Variants in MAST2 observed in about 807,000 individuals in gnomAD.
MAST2 encodes the protein microtubule-associated serine/threonine-protein kinase 2.
MAST2 carries 70 observed loss-of-function variants against 147.4 expected under a neutral mutation model. The observed-to-expected ratio is 0.47, with a 90% CI of 0.39 to 0.58. MAST2 has a LOEUF of 0.58. MAST2 is among the 20% of genes least tolerant of loss of function. The pLI is 0.00. For missense variants in MAST2, 2,080 were observed against 2,302.3 expected (o/e 0.90, Z 1.98); for synonymous variants, 869 against 896.8 (o/e 0.97, Z 0.55).
intron 1 of MAST2, among the ~76,000 whole-genome samples, chr1:45,813,361 G>C (rs551461229): frequency 1.5e-4 from 22 of 151,414 alleles, no homozygotes; most frequent in Non-Finnish European, 2.5e-4. Flanking sequence ...ACCGAGTCTT[G>C]CTCTGTTGCT....
chr1:45,824,307 G>A (rs1202897979), intron 1 of MAST2, 126 bp from the exon 2 acceptor site: 4 of 550,928 alleles, frequency 7.3e-6, no homozygotes, highest in Non-Finnish European at 1.2e-5. Context: ...TTTAGCTATG[G>A]AGGGGGAAGT....
intron 4 of MAST2, among the ~76,000 whole-genome samples, chr1:45,958,288 G>A (rs1212625013): frequency 6.6e-6 from 1 of 151,858 alleles, no homozygotes; most frequent in East Asian, 1.9e-4. Flanking sequence ...TTCTTTTTCT[G>A]TCATTCTCCC....
Position 46,032,259 on chromosome 1 carries a change from C to T in MAST2, c.3269C>T (p.Pro1090Leu), listed in dbSNP as rs1389419892. The T allele has an allele frequency of 6.2e-7, 1 of 1,614,240 alleles. No homozygotes were observed. Among genetic ancestry groups the T allele is most frequent in the Non-Finnish European group, 8.5e-7 (1 of 1,180,046 alleles). The stretch of plus-strand genomic sequence containing the variant: ...AACCCATCATCCCGGGACTCTTCTC[C>T]AAGCAGGGACTTCTTGCCAGCCCTT... ...SSNPSSRDSS[P>L]SRDFLPALGS... The change falls in exon 25 of 29, where the codon CCA (proline) becomes CTA (leucine). Residue 1090 changes from proline to leucine, a missense_variant. Around this residue, in one of 4 missense-constraint regions of MAST2, gnomAD observed 1,278 missense variants for 1,304.2 expected, o/e 0.98. Transcript: ENST00000361297.
chr1:45,911,706 A>G lies in MAST2; in HGVS notation c.500+29311A>G, dbSNP rs551463876. On this transcript the variant is annotated intron_variant, in intron 4 of 28. Coordinates refer to ENST00000361297, the MANE Select transcript of MAST2 (RefSeq NM_015112.3). ...CTTTAAAAAATAATAATAATTTTAAAAATAATAATAATGGAATAATAGTAC... is the reference window on the plus strand; with the variant it reads ...CTTTAAAAAATAATAATAATTTTAAGAATAATAATAATGGAATAATAGTAC... 9.9e-5 allele frequency among the ~76,000 whole-genome samples: 15 copies of G among 151,572 alleles called. No homozygotes were observed. The South Asian group carries it at 1.7e-3, about 17-fold the overall frequency.
intron 28 of MAST2, 87 bp from the exon 29 acceptor site, chr1:46,034,451 G>A (rs1646814997): frequency 1.4e-6 from 2 of 1,424,024 alleles, no homozygotes; most frequent in Non-Finnish European, 1.9e-6. Context: ...GACATAACAG[G>A]GCTAAGCCCT....
intron 4 of MAST2, among the ~76,000 whole-genome samples, chr1:45,933,146 C>T (rs1048478019): frequency 2.8e-5 from 4 of 144,626 alleles, no homozygotes; most frequent in African/African-American, 1.0e-4. Context: ...TCATTTAAGC[C>T]CAGGAGTTCA....
intron 3 of MAST2, among the ~76,000 whole-genome samples, chr1:45,861,491 G>C (rs192734037): frequency 1.3e-3 from 194 of 151,646 alleles, no homozygotes; most frequent in Middle Eastern, 6.8e-3. Context: ...GGAGAAAATA[G>C]CTATAATGTG....
intron 6 of MAST2, among the ~76,000 whole-genome samples, chr1:45,998,340 C>T (rs140794954): frequency 3.3e-3 from 508 of 152,332 alleles, no homozygotes; most frequent in Middle Eastern, 0.01. Flanking sequence ...AGATTTGGTG[C>T]ATACAGAGCC....
At chr1:45,888,116 A>G (rs887513201) in intron 4 of MAST2, among the ~76,000 whole-genome samples, 6 of 152,156 alleles carry the variant, frequency 3.9e-5, no homozygotes, top group African/African-American at 9.7e-5. Flanking sequence ...ATATCGCTAG[A>G]TCTCATAACT....
chr1:45,810,895 C>A (rs1483486403), intron 1 of MAST2, among the ~76,000 whole-genome samples: 6 of 148,924 alleles, frequency 4.0e-5, no homozygotes, highest in Admixed American at 4.0e-4. Flanking sequence ...CTCTGTGGCC[C>A]AGGCTGGAGT....
At chr1:45,912,119 CTACTGAACTGG>C (rs1651771273) in intron 4 of MAST2, among the ~76,000 whole-genome samples, 1 of 151,794 alleles carries the variant, frequency 6.6e-6, no homozygotes, top group African/African-American at 2.4e-5. Context: ...TTAGGACCTG[CTACTGAACTGG>C]GGATTCTGAA....
chr1:46,025,987 T>G (rs1476917715), intron 16 of MAST2, among the ~76,000 whole-genome samples, 172 bp downstream of exon 16: 1 of 152,182 alleles, frequency 6.6e-6, no homozygotes, highest in Non-Finnish European at 1.5e-5. Flanking sequence ...CAGATGCAGA[T>G]CATTGCCTCA....
intron 4 of MAST2, among the ~76,000 whole-genome samples, chr1:45,896,453 T>C (rs1648748152): frequency 6.6e-6 from 1 of 152,178 alleles, no homozygotes; most frequent in African/African-American, 2.4e-5. Context: ...CCCAGCCGTG[T>C]CACTTCAATA....
rs1388534997 is a variant in MAST2 at position 45,846,591 on chromosome 1, G to T, written c.468+17010G>T. Among the ~76,000 whole-genome samples the T allele has an allele frequency of 2.0e-5, 3 of 152,084 alleles. No individual in the cohort carries two copies. The East Asian group carries it at 5.8e-4, about 29-fold the overall frequency. Reference sequence around the variant, plus strand: ...AATCCCAGCACTTTGGGAGTCCGAGGCAGGTGAATCACGAGGTCAGAAGTT... The same window carrying T: ...AATCCCAGCACTTTGGGAGTCCGAGTCAGGTGAATCACGAGGTCAGAAGTT... On this transcript the variant is annotated intron_variant, in intron 3 of 28. Transcript: ENST00000361297.
Position 46,023,153 on chromosome 1 carries a change from A to C in MAST2, c.1486-80A>C, listed in dbSNP as rs575982568. The C allele has an allele frequency of 2.9e-6, 4 of 1,357,882 alleles. No homozygotes were observed. Among genetic ancestry groups the C allele is most frequent in the Non-Finnish European group, 3.2e-6 (3 of 947,292 alleles). 84.1% of individuals were successfully genotyped at this position (1,357,882 alleles called of 1,614,324 possible). ...ACTGCACTAGAGCTGACAGCTGAGA[A>C]GATGCTAGAGCCACAGCTTCTGCAA... On this transcript the variant is annotated intron_variant, in intron 13 of 28. Transcript: ENST00000361297. This position sits in a 1 kb window ranked among gnomAD's most constrained non-coding sequence, Gnocchi z 4.9.
chr1:45,977,659 G>A (rs1279071208), intron 5 of MAST2, among the ~76,000 whole-genome samples: 1 of 151,974 alleles, frequency 6.6e-6, no homozygotes, highest in Non-Finnish European at 1.5e-5. Context: ...AATTAGCCAA[G>A]CATGGTGGCA....
At chr1:46,006,191 C>A (rs1471973249) in intron 7 of MAST2, 50 bp from the exon 8 acceptor site, 8 of 1,537,314 alleles carry the variant, frequency 5.2e-6, no homozygotes, top group Non-Finnish European at 7.0e-6. Flanking sequence ...CATTCTTGGA[C>A]TGCTCTGGGA....
chr1:45,947,271 A>T (rs990345298), intron 4 of MAST2, among the ~76,000 whole-genome samples: 7 of 147,642 alleles, frequency 4.7e-5, no homozygotes, highest in Admixed American at 2.8e-4. Context: ...GTCTTGGGCC[A>T]CACACAGAAT....
At chr1:45,826,301 T>G (rs1644790532) in intron 2 of MAST2, among the ~76,000 whole-genome samples, 1 of 152,162 alleles carries the variant, frequency 6.6e-6, no homozygotes, top group African/African-American at 2.4e-5. Flanking sequence ...CTTTATGACT[T>G]TTGGGGTGCT....
Sources: gnomAD v4.1 joint callset for allele counts (sites outside exome capture counted in the v4.1 genomes callset) on GRCh38, gnomAD v4.1.1 for gene constraint, gnomAD v4.1.1 regional missense constraint, Gnocchi (gnomAD v3.1) non-coding constraint, MANE v1.5 for transcripts, NCBI Gene and HGNC (gene_info 2026-07-23, HGNC 2026-07-21) for gene names.